The following GET1 variants were observed in gnomAD, a reference collection of about 807,000 sequenced individuals.
GET1 encodes guided entry of tail-anchored proteins factor 1, also known as congenital heart disease 5 protein.
GET1 carries 20 observed loss-of-function variants against 22.6 expected under a neutral mutation model. The ratio of observed to expected loss-of-function variants is 0.89; its 90% CI spans 0.62 to 1.29. The LOEUF (loss-of-function observed/expected upper bound fraction) is 1.29, where lower values mean the gene tolerates loss of function less well. Among genes scored for constraint, GET1 ranks in the 50% most tolerant of loss-of-function variants. The pLI, the probability that GET1 is intolerant of heterozygous loss-of-function variation, is 0.00. For missense variants in GET1, 209 were observed against 219.9 expected, an observed-to-expected ratio of 0.95 and a Z score of 0.31; for synonymous variants, 92 against 83.8, an observed-to-expected ratio of 1.10 and a Z score of -0.53.
chr21:39,427,026 G>T (rs1277713218), intron 1 of GET1, among the ~76,000 whole-genome samples: 1 of 152,240 alleles, frequency 6.6e-6, no homozygotes, highest in Non-Finnish European at 1.5e-5. Context: ...TATAGCAGGG[G>T]AACTGAAGAT....
chr21:39,415,935 G>T, intron 1 of GET1, among the ~76,000 whole-genome samples: 1 of 152,214 alleles, frequency 6.6e-6, no homozygotes, highest in East Asian at 1.9e-4. Context: ...GGTTCGGTTC[G>T]TTGGCATGAG....
chr21:39,426,501 G>C (rs1410502540), intron 1 of GET1, among the ~76,000 whole-genome samples: 1 of 152,112 alleles, frequency 6.6e-6, no homozygotes, highest in Non-Finnish European at 1.5e-5. Flanking sequence ...ATTTGGGGGT[G>C]GGTTTTAAAG....
chr21:39,388,545 G>A (rs913735664), intron 1 of GET1, among the ~76,000 whole-genome samples: 1 of 152,204 alleles, frequency 6.6e-6, no homozygotes, highest in African/African-American at 2.4e-5. Context: ...CAGAAGGGAC[G>A]CCTACTGGCA....
At chr21:39,423,526 A>C in intron 1 of GET1, 2 of 1,503,220 alleles carry the variant, frequency 1.3e-6, no homozygotes, top group Non-Finnish European at 1.8e-6. Flanking sequence ...TTACTAGTAA[A>C]ATATACAGAT....
chr21:39,397,722 T>A lies in GET1; in HGVS notation c.*783T>A, dbSNP rs1456282831. ...CCAATAACCTGTGTGGCCTACAAAGTATAATTCTATTAAATGTTCCTTAAA... is the reference window on the plus strand; with the variant it reads ...CCAATAACCTGTGTGGCCTACAAAGAATAATTCTATTAAATGTTCCTTAAA... On this transcript the variant is annotated 3_prime_UTR_variant, in exon 5 of 5. Transcript: ENST00000649170. 1 of 152,232 alleles carries A rather than the reference T, an allele frequency of 6.6e-6. No individual in the cohort carries two copies. Among genetic ancestry groups the A allele is most frequent in the African/African-American group, 2.4e-5 (1 of 41,468 alleles). The allele number at this position is 152,232 out of a possible 1,614,324, so 9.4% of individuals were successfully genotyped here. A position where few individuals can be genotyped will look rare whatever the true frequency, so the allele number is the denominator to read the frequency against.
intron 1 of GET1, among the ~76,000 whole-genome samples, chr21:39,383,096 GC>G: frequency 6.6e-6 from 1 of 151,342 alleles, no homozygotes; most frequent in South Asian, 2.1e-4. Context: ...GACTACAGGT[GC>G]CCACCACCAC....
intron 1 of GET1, among the ~76,000 whole-genome samples, chr21:39,419,004 C>T (rs2041802120): frequency 6.6e-6 from 1 of 152,092 alleles, no homozygotes; most frequent in Non-Finnish European, 1.5e-5. Flanking sequence ...TTGAAGTTTC[C>T]TGGAACTCCA....
intron 2 of GET1, chr21:39,391,480 A>G (rs2038292797): frequency 5.6e-5 from 20 of 357,756 alleles, no homozygotes; most frequent in South Asian, 5.0e-4. Flanking sequence ...CCTGTTGGTA[A>G]GTGGTAACTG....
chr21:39,400,509 G>A (rs1341828996), downstream of GET1, among the ~76,000 whole-genome samples: 3 of 152,160 alleles, frequency 2.0e-5, no homozygotes, highest in African/African-American at 4.8e-5. Context: ...CACTAGAGCC[G>A]TGTATGGAGT....
intron 1 of GET1, chr21:39,387,792 G>T (rs921956942): frequency 6.5e-5 from 64 of 985,640 alleles, no homozygotes; most frequent in Non-Finnish European, 7.6e-5. Context: ...GGCGACTGGC[G>T]GGTCGCGGCT....
At chr21:39,400,662 T>C (rs143504691), downstream of GET1, among the ~76,000 whole-genome samples, 11 of 152,282 alleles carry the variant, frequency 7.2e-5, no homozygotes, top group East Asian at 1.7e-3. Flanking sequence ...TTGAACACCA[T>C]TGGAATCCCA....
At chr21:39,409,886 G>A, downstream of GET1, 1 of 719,630 alleles carries the variant, frequency 1.4e-6, no homozygotes, top group Middle Eastern at 4.0e-4. The surrounding 1 kb of genome is among the most constrained non-coding windows in gnomAD (Gnocchi z 4.2). Context: ...GAGCTGCCAT[G>A]CCCAGCTGTT....
At position 39,393,268 on chromosome 21, in the gene GET1, A is replaced by G. The variant is rs1055901310; in HGVS notation, c.439A>G (p.Thr147Ala). ...TPLDRLVAFP[T>A]RVAGGVGITC... is the part of the protein sequence containing the mutation. Reference sequence around the variant, plus strand: ...TCTAGACCGCCTGGTAGCCTTTCCTACTAGAGTAGCAGGTAAGAATTTTCT... The same window carrying G: ...TCTAGACCGCCTGGTAGCCTTTCCTGCTAGAGTAGCAGGTAAGAATTTTCT... Residue 147 changes from threonine to alanine, a missense_variant, in exon 4 of 5, where the codon ACT becomes GCT. Thr to Ala is a moderately conservative substitution (Grantham distance 58). Transcript: ENST00000649170. The G allele has an allele frequency of 6.2e-7, 1 of 1,613,808 alleles. No homozygotes were observed. Among genetic ancestry groups the G allele is most frequent in the East Asian group, 2.2e-5 (1 of 44,874 alleles).
chr21:39,389,807 G>A (rs1853765392), intron 1 of GET1, among the ~76,000 whole-genome samples: 1 of 152,154 alleles, frequency 6.6e-6, no homozygotes, highest in Non-Finnish European at 1.5e-5. Context: ...CCTCACCACT[G>A]TTACCCTGCA....
intron 4 of GET1, 141 bp downstream of exon 4, chr21:39,393,421 T>C: frequency 1.5e-6 from 1 of 660,562 alleles, no homozygotes; most frequent in South Asian, 2.0e-5. Context: ...CACATGAGGC[T>C]TCCCATGAAG....
intron 4 of GET1, among the ~76,000 whole-genome samples, chr21:39,405,678 T>C (rs2039000069): frequency 6.6e-6 from 1 of 152,230 alleles, no homozygotes; most frequent in Admixed American, 6.5e-5. Flanking sequence ...GATGTAAATT[T>C]GTATTTGAAG....
chr21:39,414,976 A>G (rs2147340416), intron 1 of GET1, among the ~76,000 whole-genome samples: 1 of 152,248 alleles, frequency 6.6e-6, no homozygotes, highest in Non-Finnish European at 1.5e-5. Flanking sequence ...CAGTGGCGCC[A>G]TCACTAAAGC....
chr21:39,392,091 C>T, intron 3 of GET1: 1 of 463,150 alleles, frequency 2.2e-6, no homozygotes. Flanking sequence ...GGAGAGCTTT[C>T]ACCATGCCTG....
At chr21:39,399,999 G>A (rs527531033), downstream of GET1, among the ~76,000 whole-genome samples, 13 of 151,952 alleles carry the variant, frequency 8.6e-5, no homozygotes, top group African/African-American at 2.9e-4. Context: ...TGGGATTACA[G>A]GTGTGAGCCA....
Sources: gnomAD v4.1 joint callset for allele counts (sites outside exome capture counted in the v4.1 genomes callset) on GRCh38, gnomAD v4.1.1 for gene constraint, Gnocchi (gnomAD v3.1) non-coding constraint, MANE v1.5 for transcripts, NCBI Gene and HGNC (gene_info 2026-07-23, HGNC 2026-07-21) for gene names.